The following ONECUT2 variants were observed in gnomAD, a reference collection of about 807,000 sequenced individuals.
ONECUT2 encodes one cut domain family member 2.
A neutral mutation model predicts 27.9 loss-of-function variants in ONECUT2; 10 were observed. The observed-to-expected ratio is 0.36, with a 90% confidence interval of 0.22 to 0.61. ONECUT2 has a LOEUF of 0.61. Ranked by LOEUF, ONECUT2 falls within the 20% of genes least tolerant of loss-of-function variation. The pLI is 0.73. For synonymous variants in ONECUT2, 334 were observed against 315.1 expected (o/e 1.06, Z -0.64); for missense variants, 686 against 721.0 (o/e 0.95, Z 0.56).
intron 1 of ONECUT2, among the ~76,000 whole-genome samples, chr18:57,455,240 T>G (rs1285733914): frequency 6.6e-6 from 1 of 152,202 alleles, no homozygotes; most frequent in Non-Finnish European, 1.5e-5. Flanking sequence ...ATCATCTTTA[T>G]TCCCAAATTA....
intron 1 of ONECUT2, among the ~76,000 whole-genome samples, chr18:57,471,155 G>C (rs143020149): frequency 4.6e-5 from 7 of 152,280 alleles, no homozygotes; most frequent in African/African-American, 1.4e-4. Flanking sequence ...ATCCCCTCTG[G>C]ATGGGAATCA....
Position 57,483,079 on chromosome 18 carries a change from A to T in ONECUT2, c.*6356A>T, listed in dbSNP as rs1248385659. 1 of 152,342 alleles carries T rather than the reference A, an allele frequency of 6.6e-6. No individual in the cohort carries two copies. The highest frequency in any genetic ancestry group is 2.4e-5 in the African/African-American group (1 of 41,362). The allele number at this position is 152,342 out of a possible 1,614,324, so 9.4% of individuals were successfully genotyped here. A position where few individuals can be genotyped will look rare whatever the true frequency, so the allele number is the denominator to read the frequency against. On this transcript the variant is annotated 3_prime_UTR_variant, in exon 2 of 2. Coordinates refer to ENST00000491143, the MANE Select transcript of ONECUT2 (RefSeq NM_004852.3). ...TGAATAGCTTTATTCTGGATTTTTCATAACTAAAGCTAAATCCAAAGACCT... is the reference window on the plus strand; with the variant it reads ...TGAATAGCTTTATTCTGGATTTTTCTTAACTAAAGCTAAATCCAAAGACCT...
intron 1 of ONECUT2, among the ~76,000 whole-genome samples, chr18:57,475,089 C>T (rs559179963): frequency 3.0e-5 from 4 of 133,114 alleles, no homozygotes; most frequent in African/African-American, 1.1e-4. Flanking sequence ...TGGACTCTCA[C>T]CCTGTCACCC....
At chr18:57,456,750 T>A (rs1393340309) in intron 1 of ONECUT2, among the ~76,000 whole-genome samples, 1 of 152,252 alleles carries the variant, frequency 6.6e-6, no homozygotes, top group Non-Finnish European at 1.5e-5. Flanking sequence ...TTTACCATAA[T>A]TTCAAAGAAA....
At chr18:57,465,381 C>T (rs1404484076) in intron 1 of ONECUT2, among the ~76,000 whole-genome samples, 2 of 152,318 alleles carry the variant, frequency 1.3e-5, no homozygotes, top group Non-Finnish European at 2.9e-5. Context: ...CCAGGCTGGT[C>T]GCAAATTCCT....
In ONECUT2 at chr18:57,490,488, GAGA is replaced by G. The variant is rs2122173361; in HGVS notation, c.*13770_*13772del. 6.6e-6 allele frequency: 1 copy of G among 152,338 alleles called. No homozygotes were observed. Among genetic ancestry groups the G allele is most frequent in the African/African-American group, 2.4e-5 (1 of 41,564 alleles). 9.4% of individuals were successfully genotyped at this position (152,338 alleles called of 1,614,324 possible). On this transcript the variant is annotated 3_prime_UTR_variant, in exon 2 of 2. Coordinates refer to ENST00000491143, the MANE Select transcript of ONECUT2 (RefSeq NM_004852.3). ...GAGGGAAGAAAGGAGGAGGTAAAGA[GAGA>G]AGAATTTGTCCCAGATCTGTTTAAA...
Position 57,454,773 on chromosome 18 carries a change from A to G in ONECUT2, c.1228+17829A>G, listed in dbSNP as rs75774476. 2.7e-3 allele frequency among the ~76,000 whole-genome samples: 417 copies of G among 151,970 alleles called. 3 individuals carry two copies. Among genetic ancestry groups the G allele is most frequent in the Admixed American group, 0.016 (243 of 15,246 alleles). ...GGCCAACCATGCAGCCGGACTATTT[A>G]CTCCCCACCCCCAATGTCCTTTTAA... On this transcript the variant is annotated intron_variant, in intron 1 of 1. Transcript: ENST00000491143.
intron 1 of ONECUT2, among the ~76,000 whole-genome samples, chr18:57,446,481 T>C (rs2050201016): frequency 6.6e-6 from 1 of 152,048 alleles, no homozygotes; most frequent in South Asian, 2.1e-4. Context: ...AGGTTTCAAG[T>C]GGAGTCGGGG....
chr18:57,480,685 T>C lies in ONECUT2; in HGVS notation c.*3962T>C, dbSNP rs2050411125. 6.6e-6 allele frequency: 1 copy of C among 152,120 alleles called. No homozygotes were observed. The highest frequency in any genetic ancestry group is 6.5e-5 in the Admixed American group (1 of 15,280). 9.4% of individuals were successfully genotyped at this position (152,120 alleles called of 1,614,324 possible). ...GCTTGCTTTTAGAAAATTATTTACA[T>C]ACATATATAAATATATATGTGTATC... On this transcript the variant is annotated 3_prime_UTR_variant, in exon 2 of 2. Transcript: ENST00000491143.
intron 1 of ONECUT2, among the ~76,000 whole-genome samples, chr18:57,457,891 A>G (rs894543831): frequency 6.6e-6 from 1 of 152,038 alleles, no homozygotes; most frequent in African/African-American, 2.4e-5. Context: ...CAAACGCTGC[A>G]TGCTCTCACT....
intron 1 of ONECUT2, 113 bp from the exon 2 acceptor site, chr18:57,476,324 C>T (rs2050381456): frequency 8.9e-7 from 1 of 1,122,400 alleles, no homozygotes; most frequent in Non-Finnish European, 1.3e-6. Flanking sequence ...GGGCAGTTTG[C>T]ACAATAAAGT....
At position 57,487,702 on chromosome 18, in the gene ONECUT2, C is replaced by G. The variant is rs137883803; in HGVS notation, c.*10979C>G. 1 of 152,102 alleles carries G rather than the reference C, an allele frequency of 6.6e-6. No homozygotes were observed. Among genetic ancestry groups the G allele is most frequent in the Admixed American group, 6.6e-5 (1 of 15,260 alleles). The allele number at this position is 152,102 out of a possible 1,614,324, so 9.4% of individuals were successfully genotyped here. A position where few individuals can be genotyped will look rare whatever the true frequency, so the allele number is the denominator to read the frequency against. On this transcript the variant is annotated 3_prime_UTR_variant, in exon 2 of 2. Transcript: ENST00000491143. The stretch of plus-strand genomic sequence containing the variant: ...TCCCTCCCTAGACTTGGAGGTGACT[C>G]TCACTTAATTTTTACCTGCCCAACA...
chr18:57,490,672 TA>T lies in ONECUT2; in HGVS notation c.*13953del, dbSNP rs2050461389. The T allele has an allele frequency of 6.6e-6, 1 of 152,184 alleles. No individual in the cohort carries two copies. Among genetic ancestry groups the T allele is most frequent in the African/African-American group, 2.4e-5 (1 of 41,450 alleles). 9.4% of individuals were successfully genotyped at this position (152,184 alleles called of 1,614,324 possible). A position where few individuals can be genotyped will look rare whatever the true frequency, so the allele number is the denominator to read the frequency against. ...CCTTTGTGGAAACCCAACTACCTTT[TA>T]AAAGTCTCTTTCCAGATTCCAAAAG... On this transcript the variant is annotated 3_prime_UTR_variant, in exon 2 of 2. Coordinates refer to ENST00000491143, the MANE Select transcript of ONECUT2 (RefSeq NM_004852.3).
At chr18:57,438,412 C>T (rs1272666557) in intron 1 of ONECUT2, among the ~76,000 whole-genome samples, 1 of 152,228 alleles carries the variant, frequency 6.6e-6, no homozygotes, top group African/African-American at 2.4e-5. Flanking sequence ...GGTTCCGAGC[C>T]AGCCTCGCAC....
intron 1 of ONECUT2, among the ~76,000 whole-genome samples, chr18:57,450,957 C>T (rs1030158493): frequency 3.3e-5 from 5 of 152,238 alleles, no homozygotes; most frequent in African/African-American, 1.2e-4. Context: ...TATGAACTAG[C>T]CCTTGTCCCT....
rs534202018 is a variant in ONECUT2 at position 57,468,679 on chromosome 18, T to G, written c.1229-7758T>G. 2.6e-5 allele frequency among the ~76,000 whole-genome samples: 4 copies of G among 152,314 alleles called. No individual in the cohort carries two copies. The East Asian group carries it at 7.7e-4, about 29-fold the overall frequency. ...AGCCTGAGCCCCAAGTCTTGTGTGT[T>G]AGGCCCCCTGCTCCCAGGGTCTCTG... On this transcript the variant is annotated intron_variant, in intron 1 of 1. Coordinates refer to ENST00000491143, the MANE Select transcript of ONECUT2 (RefSeq NM_004852.3).
At position 57,477,312 on chromosome 18, in the gene ONECUT2, G is replaced by A. The variant is rs1324399405; in HGVS notation, c.*589G>A. ...TTACTGAGCACAAGTTTTAAATATG[G>A]ACGTTAAAAAAAAAAATCCAAGGAC... is the stretch of plus-strand genomic sequence containing the variant. On this transcript the variant is annotated 3_prime_UTR_variant, in exon 2 of 2. Coordinates refer to ENST00000491143, the MANE Select transcript of ONECUT2 (RefSeq NM_004852.3). The A allele has an allele frequency of 7.0e-6, 1 of 143,066 alleles. No individual in the cohort carries two copies. Among genetic ancestry groups the A allele is most frequent in the Non-Finnish European group, 1.5e-5 (1 of 65,398 alleles). 8.9% of individuals were successfully genotyped at this position (143,066 alleles called of 1,614,324 possible).
intron 1 of ONECUT2, among the ~76,000 whole-genome samples, chr18:57,460,780 C>T (rs140024058): frequency 0.01 from 1,542 of 150,380 alleles, 18 homozygotes; most frequent in Middle Eastern, 0.017. Flanking sequence ...GCCTTGACCT[C>T]CCTAGCTCGG....
intron 1 of ONECUT2, among the ~76,000 whole-genome samples, chr18:57,460,231 T>C (rs1266959257): frequency 1.3e-5 from 2 of 152,238 alleles, no homozygotes; most frequent in Non-Finnish European, 2.9e-5. Context: ...CCTTGGGTCA[T>C]TTTTAAACAT....
Sources: gnomAD v4.1 joint callset for allele counts (sites outside exome capture counted in the v4.1 genomes callset) on GRCh38, gnomAD v4.1.1 for gene constraint, MANE v1.5 for transcripts, NCBI Gene and HGNC (gene_info 2026-07-23, HGNC 2026-07-21) for gene names.